HDAC9: variants seen among roughly 807,000 people sequenced by gnomAD.
HDAC9 encodes the protein histone deacetylase 9.
Under a neutral mutation model 139.4 loss-of-function variants are expected in HDAC9, and 41 were observed. The ratio of observed to expected loss-of-function variants is 0.29; its 90% CI spans 0.23 to 0.38. The LOEUF (loss-of-function observed/expected upper bound fraction) is 0.38, where lower values mean the gene tolerates loss of function less well. Among genes scored for constraint, HDAC9 ranks in the 10% least tolerant of loss-of-function variants. HDAC9 has a pLI of 1.00. For synonymous variants in HDAC9, 517 were observed against 476.2 expected, an observed-to-expected ratio of 1.09 and a Z score of -1.12; for missense variants, 1,147 against 1,297.0, an observed-to-expected ratio of 0.88 and a Z score of 1.78.
chr7:18,323,635 G>T (rs904041232), intron 1 of HDAC9, among the ~76,000 whole-genome samples: 1 of 152,080 alleles, frequency 6.6e-6, no homozygotes, highest in African/African-American at 2.4e-5. Context: ...TAAGTTTTGG[G>T]GATCAACAAT....
At chr7:18,444,363 A>T (rs1792093281) in intron 1 of HDAC9, among the ~76,000 whole-genome samples, 1 of 150,078 alleles carries the variant, frequency 6.7e-6, no homozygotes, top group Non-Finnish European at 1.5e-5. Context: ...AAAAAAAAAA[A>T]AAAAGAGTGA....
intron 1 of HDAC9, among the ~76,000 whole-genome samples, chr7:18,381,523 T>C (rs1434485591): frequency 1.3e-5 from 2 of 151,864 alleles, no homozygotes; most frequent in Non-Finnish European, 2.9e-5. Context: ...GACAAGAAAA[T>C]AGTGGCAATG....
chr7:18,497,559 G>C (rs1460341526), intron 2 of HDAC9, among the ~76,000 whole-genome samples: 3 of 152,120 alleles, frequency 2.0e-5, no homozygotes, highest in African/African-American at 7.2e-5. Context: ...TTAAGTGACA[G>C]GAATTATGTT....
chr7:18,796,132 T>C (rs1285518137), intron 17 of HDAC9, among the ~76,000 whole-genome samples: 1 of 152,040 alleles, frequency 6.6e-6, no homozygotes, highest in Non-Finnish European at 1.5e-5. Context: ...TCTTGGAAAA[T>C]AGAGTAAAAT....
At chr7:18,089,975 C>G (rs556960358) in intron 1 of HDAC9, among the ~76,000 whole-genome samples, 5 of 151,984 alleles carry the variant, frequency 3.3e-5, no homozygotes, top group Non-Finnish European at 5.9e-5. Context: ...GGTGGGGGCT[C>G]TTACTGCTTG....
At chr7:18,840,927 A>G (rs1479445432) in intron 21 of HDAC9, among the ~76,000 whole-genome samples, 1 of 152,034 alleles carries the variant, frequency 6.6e-6, no homozygotes, top group Non-Finnish European at 1.5e-5. Context: ...AAAAATGTAG[A>G]AAGGGCATTT....
chr7:18,195,597 G>T (rs552485610), intron 2 of HDAC9, among the ~76,000 whole-genome samples: 2 of 152,120 alleles, frequency 1.3e-5, no homozygotes, highest in Admixed American at 1.3e-4. Context: ...ACTCTAGGGG[G>T]TTCCACTGTT....
intron 2 of HDAC9, among the ~76,000 whole-genome samples, chr7:18,253,203 G>A (rs1200444306): frequency 6.6e-6 from 1 of 152,148 alleles, no homozygotes; most frequent in African/African-American, 2.4e-5. Flanking sequence ...GAATACTACT[G>A]CAGTGAGCAT....
chr7:18,637,663 A>G (rs1466307157), intron 8 of HDAC9, among the ~76,000 whole-genome samples: 1 of 152,072 alleles, frequency 6.6e-6, no homozygotes, highest in East Asian at 1.9e-4. Flanking sequence ...ATAATGAATT[A>G]ATTGTGTGCC....
chr7:18,568,846 G>A (rs1171709028), intron 2 of HDAC9, among the ~76,000 whole-genome samples: 4 of 151,960 alleles, frequency 2.6e-5, no homozygotes, highest in African/African-American at 7.2e-5. Flanking sequence ...TTGGGAGTTC[G>A]AGACCAGCCT....
chr7:18,339,171 G>T (rs1027774137), intron 1 of HDAC9, among the ~76,000 whole-genome samples: 5 of 151,200 alleles, frequency 3.3e-5, no homozygotes, highest in African/African-American at 1.2e-4. Flanking sequence ...GATCAGTCAG[G>T]CTACAAGTTT....
Position 18,709,173 on chromosome 7 carries a change from C to G in HDAC9, c.1732-18407C>G, listed in dbSNP as rs116555032. ...GATTTGCTTCACCTATTGACACATT[C>G]TCTATGTTTCGTCCCCTCACTCTCT... is the stretch of plus-strand genomic sequence containing the variant. On this transcript the variant is annotated intron_variant, in intron 12 of 25. Coordinates refer to ENST00000686413, the MANE Select transcript of HDAC9 (RefSeq NM_178425.4). Among the ~76,000 whole-genome samples the G allele has an allele frequency of 3.9e-3, 594 of 151,550 alleles. 4 individuals are homozygous for G. Among genetic ancestry groups the G allele is most frequent in the African/African-American group, 0.014 (570 of 41,286 alleles).
intron 2 of HDAC9, among the ~76,000 whole-genome samples, chr7:18,219,463 G>A (rs561537961): frequency 1.3e-5 from 2 of 151,846 alleles, no homozygotes; most frequent in South Asian, 4.2e-4. Flanking sequence ...ACATTTGCTA[G>A]AATAATGAGT....
chr7:18,724,802 C>T (rs1248348316), intron 12 of HDAC9, among the ~76,000 whole-genome samples: 2 of 152,094 alleles, frequency 1.3e-5, no homozygotes, highest in Non-Finnish European at 2.9e-5. Flanking sequence ...AAAAAAGGTT[C>T]TGCACACTAG....
At chr7:18,771,326 A>G (rs895173345) in intron 16 of HDAC9, among the ~76,000 whole-genome samples, 1 of 152,072 alleles carries the variant, frequency 6.6e-6, no homozygotes, top group Admixed American at 6.6e-5. Context: ...TGATTGGGGA[A>G]GGGGAGATGG....
chr7:18,887,520 C>T (rs1800269527), intron 22 of HDAC9, among the ~76,000 whole-genome samples: 1 of 151,998 alleles, frequency 6.6e-6, no homozygotes, highest in South Asian at 2.1e-4. Context: ...AATATAGGGC[C>T]ATTATGAGAA....
intron 22 of HDAC9, among the ~76,000 whole-genome samples, chr7:18,930,285 G>A (rs1000445455): frequency 2.6e-5 from 4 of 152,084 alleles, no homozygotes; most frequent in East Asian, 3.9e-4. Flanking sequence ...ACTCAACCCC[G>A]CTTGAGGAAG....
At chr7:18,240,235 G>A (rs1794101028) in intron 2 of HDAC9, among the ~76,000 whole-genome samples, 1 of 151,934 alleles carries the variant, frequency 6.6e-6, no homozygotes, top group Admixed American at 6.6e-5. Flanking sequence ...TTCCTATTTG[G>A]GTATTGATGA....
chr7:18,594,914 G>C (rs1332424342), intron 6 of HDAC9, among the ~76,000 whole-genome samples: 1 of 152,036 alleles, frequency 6.6e-6, no homozygotes, highest in Non-Finnish European at 1.5e-5. Context: ...ATTTGACTCA[G>C]ATCTACTTGA....
Sources: gnomAD v4.1 joint callset for allele counts (sites outside exome capture counted in the v4.1 genomes callset) on GRCh38, gnomAD v4.1.1 for gene constraint, MANE v1.5 for transcripts, NCBI Gene and HGNC (gene_info 2026-07-23, HGNC 2026-07-21) for gene names.